The following DSTN variants were observed in gnomAD, a reference collection of about 807,000 sequenced individuals.
DSTN encodes the protein destrin.
DSTN carries 10 observed loss-of-function variants against 16.8 expected under a neutral mutation model. That is an observed-to-expected ratio of 0.60 (90% CI 0.37 to 1.01). DSTN has a LOEUF of 1.01. Among genes scored for constraint, DSTN ranks in the 50% least tolerant of loss-of-function variants. DSTN has a pLI of 0.01. For missense variants in DSTN, 141 were observed against 196.7 expected (o/e 0.72, Z 1.69); for synonymous variants, 57 against 58.9 (o/e 0.97, Z 0.14).
intron 3 of DSTN, 24 bp downstream of exon 3, chr20:17,604,655 T>C (rs768524935): frequency 6.3e-7 from 1 of 1,598,134 alleles, no homozygotes; most frequent in South Asian, 1.1e-5. Flanking sequence ...GACCTCTGAA[T>C]ATGTAGAGGT....
intron 1 of DSTN, among the ~76,000 whole-genome samples, chr20:17,588,625 C>CA (rs567250707): frequency 0.023 from 3,425 of 151,174 alleles, 113 homozygotes; most frequent in African/African-American, 0.078. Flanking sequence ...ACTAAAAATA[C>CA]AAAAAAAAAT....
intron 1 of DSTN, among the ~76,000 whole-genome samples, chr20:17,594,524 A>G (rs2035504548): frequency 6.6e-6 from 1 of 152,218 alleles, no homozygotes; most frequent in Admixed American, 6.5e-5. Context: ...TTAAAGGGCC[A>G]GGACTGGAAG....
chr20:17,590,263 CCTCT>C (rs376998130), intron 1 of DSTN, among the ~76,000 whole-genome samples: 112 of 152,220 alleles, frequency 7.4e-4, no homozygotes, highest in Middle Eastern at 3.4e-3. Context: ...CATTTACTTC[CCTCT>C]GTGAGTGAGT....
chr20:17,596,631 T>C, intron 1 of DSTN: 1 of 978,744 alleles, frequency 1.0e-6, no homozygotes, highest in Non-Finnish European at 1.2e-6. Flanking sequence ...TGTGTCAAAA[T>C]TGGTTTTCTG....
intron 2 of DSTN, among the ~76,000 whole-genome samples, chr20:17,603,775 G>T (rs905722499): frequency 2.0e-5 from 3 of 152,236 alleles, no homozygotes; most frequent in Non-Finnish European, 4.4e-5. Flanking sequence ...AATTATTGGT[G>T]AGTTGCCATT....
intron 1 of DSTN, among the ~76,000 whole-genome samples, chr20:17,585,640 CACACAT>C (rs1342418987): frequency 3.3e-5 from 5 of 152,208 alleles, no homozygotes; most frequent in Admixed American, 3.3e-4. Context: ...TATATGTACA[CACACAT>C]ATATACACAC....
chr20:17,577,551 AG>A lies in DSTN; in HGVS notation c.3+7341del, dbSNP rs2035292228. On this transcript the variant is annotated intron_variant, in intron 1 of 3. Coordinates refer to ENST00000246069, the MANE Select transcript of DSTN (RefSeq NM_006870.4). Reference sequence around the variant, plus strand: ...CACTGCACTCCAGCCTGGGCAACAAAGCAAGACCCTGTCTCAAAAAAAAAAA... The same window carrying A: ...CACTGCACTCCAGCCTGGGCAACAAACAAGACCCTGTCTCAAAAAAAAAAA... 2.1e-5 allele frequency among the ~76,000 whole-genome samples: 3 copies of A among 142,536 alleles called. No individual in the cohort carries two copies. The Admixed American group carries it at 2.1e-4, about 10-fold the overall frequency. The allele number at this position is 142,536 out of a possible 152,430, so 93.5% of individuals were successfully genotyped here. A position where few individuals can be genotyped will look rare whatever the true frequency, so the allele number is the denominator to read the frequency against.
intron 1 of DSTN, among the ~76,000 whole-genome samples, chr20:17,575,717 G>T (rs1287385784): frequency 1.3e-5 from 2 of 152,178 alleles, no homozygotes; most frequent in African/African-American, 4.8e-5. Flanking sequence ...TATAAAGATG[G>T]GGTTTCACCA....
At chr20:17,580,266 A>G (rs1386939871) in intron 1 of DSTN, among the ~76,000 whole-genome samples, 1 of 152,224 alleles carries the variant, frequency 6.6e-6, no homozygotes, top group Non-Finnish European at 1.5e-5. Flanking sequence ...ATTGCCCTCA[A>G]TGTTTAGAAT....
At chr20:17,579,151 T>C (rs2035315334) in intron 1 of DSTN, among the ~76,000 whole-genome samples, 1 of 152,172 alleles carries the variant, frequency 6.6e-6, no homozygotes, top group South Asian at 2.1e-4. Context: ...ACTCTGCCAC[T>C]TGCACTAACT....
At chr20:17,584,257 ACT>A (rs1419839628) in intron 1 of DSTN, among the ~76,000 whole-genome samples, 2 of 152,156 alleles carry the variant, frequency 1.3e-5, no homozygotes, top group African/African-American at 4.8e-5. Flanking sequence ...TATAAGAAAT[ACT>A]CTGTCATCTT....
Position 17,607,037 on chromosome 20 carries a change from G to A in DSTN, c.389G>A (p.Gly130Asp). 1 of 1,613,004 alleles carries A rather than the reference G, an allele frequency of 6.2e-7. No individual in the cohort carries two copies. Among genetic ancestry groups the A allele is most frequent in the Non-Finnish European group, 8.5e-7 (1 of 1,179,586 alleles). The change falls in exon 4 of 4, where the codon GGC (glycine) becomes GAC (aspartate). Residue 130 changes from glycine (G) to aspartate (D), a missense_variant and splice_region_variant. Gly to Asp is a moderately conservative substitution (Grantham distance 94). Coordinates refer to ENST00000246069, the MANE Select transcript of DSTN (RefSeq NM_006870.4). ...SKDAIKKKFQ[G>D]IKHECQANGP... ...TAGAAGTGTTGTTTTTTCTCTCTAGGCATAAAACATGAATGTCAAGCAAAT... is the reference window on the plus strand; with the variant it reads ...TAGAAGTGTTGTTTTTTCTCTCTAGACATAAAACATGAATGTCAAGCAAAT...
intron 1 of DSTN, among the ~76,000 whole-genome samples, chr20:17,575,820 G>T (rs948204454): frequency 6.6e-6 from 1 of 152,032 alleles, no homozygotes; most frequent in African/African-American, 2.4e-5. Context: ...GAGCCACTGC[G>T]CCCAGCCGTG....
At chr20:17,574,872 T>G (rs867035226) in intron 1 of DSTN, among the ~76,000 whole-genome samples, 16 of 43,494 alleles carry the variant, frequency 3.7e-4, no homozygotes, top group Admixed American at 9.8e-4. Flanking sequence ...TTTCTTTTGT[T>G]TTTTTTTTTT....
intron 1 of DSTN, among the ~76,000 whole-genome samples, chr20:17,583,143 A>G (rs1389815030): frequency 6.6e-6 from 1 of 152,236 alleles, no homozygotes; most frequent in Non-Finnish European, 1.5e-5. Flanking sequence ...CAAAACCGCA[A>G]ATACTGCTTT....
At chr20:17,587,300 T>C (rs534288209) in intron 1 of DSTN, among the ~76,000 whole-genome samples, 25 of 152,210 alleles carry the variant, frequency 1.6e-4, no homozygotes, top group Non-Finnish European at 1.6e-4. Flanking sequence ...AGGGTCTTGC[T>C]CTGTTGCCCA....
chr20:17,591,245 T>C (rs552541860), intron 1 of DSTN, among the ~76,000 whole-genome samples: 5 of 152,328 alleles, frequency 3.3e-5, no homozygotes, highest in Admixed American at 3.3e-4. Context: ...TGTTTTAATA[T>C]TCACCATGAT....
chr20:17,579,059 A>G (rs2035314117), intron 1 of DSTN, among the ~76,000 whole-genome samples: 1 of 151,580 alleles, frequency 6.6e-6, no homozygotes, highest in Admixed American at 6.6e-5. Flanking sequence ...GTTCATTGAG[A>G]TAGATATTAT....
intron 1 of DSTN, among the ~76,000 whole-genome samples, chr20:17,591,401 AG>A (rs2035467356): frequency 6.6e-6 from 1 of 152,042 alleles, no homozygotes; most frequent in Non-Finnish European, 1.5e-5. Context: ...ATTTCCAGAA[AG>A]GGCCCATAGG....
Sources: allele counts gnomAD v4.1 joint callset (sites outside exome capture counted in the v4.1 genomes callset), GRCh38; gene constraint gnomAD v4.1.1; transcripts MANE v1.5; gene names NCBI Gene and HGNC (gene_info 2026-07-23, HGNC 2026-07-21).